AVEN: variants seen among roughly 807,000 people sequenced by gnomAD.
AVEN encodes cell death regulator Aven.
Under a neutral mutation model 38.1 loss-of-function variants are expected in AVEN, and 41 were observed. The observed-to-expected ratio is 1.08, with a 90% confidence interval of 0.84 to 1.40. The LOEUF (loss-of-function observed/expected upper bound fraction) is 1.40, where lower values mean the gene tolerates loss of function less well. AVEN is among the 40% of genes most tolerant of loss of function. The pLI is 0.00. For missense variants in AVEN, 605 were observed against 438.8 expected (o/e 1.38, Z -3.38); for synonymous variants, 206 against 171.8 (o/e 1.20, Z -1.56).
In AVEN at chr15:34,063,318, G is replaced by T. The variant is rs1420985408; in HGVS notation, n.1241C>A. 6.2e-7 allele frequency: 1 copy of T among 1,614,102 alleles called. No homozygotes were observed. The highest frequency in any genetic ancestry group is 1.7e-5 in the Admixed American group (1 of 60,008). On this transcript the variant is annotated non_coding_transcript_exon_variant, in exon 5 of 12. Coordinates refer to the AVEN transcript ENST00000675287. This position sits in a 1 kb window ranked among gnomAD's most constrained non-coding sequence, Gnocchi z 4.1. ...CATCACTTTTGGCACTGCCATTGCT[G>T]CCTTCTACATCCCTGTTTCTGTCAT... is the stretch of plus-strand genomic sequence containing the variant.
intron 4 of AVEN, 40 bp downstream of exon 4, chr15:33,870,895 C>G: frequency 6.7e-7 from 1 of 1,498,048 alleles, no homozygotes; most frequent in African/African-American, 1.4e-5. Context: ...TCTCCTCCTG[C>G]CCTAATCCAC....
chr15:33,864,443 AGACAATATGAAATAAGAAATTGTCT>A (rs1287573925), downstream of AVEN, among the ~76,000 whole-genome samples: 2 of 152,178 alleles, frequency 1.3e-5, no homozygotes, highest in Non-Finnish European at 2.9e-5. Context: ...AACATTACAG[AGACAATATGAAATAAGAAATTGTCT>A]GACAATAAGA....
In AVEN at chr15:33,866,709, C is replaced by T. The variant is rs1204477384; in HGVS notation, c.993G>A (p.Val331=). The change falls in exon 6 of 6, where the codon GTG becomes GTA. Residue 331 remains valine (V), a synonymous_variant. Transcript: ENST00000306730. ...QEEEVCAKPS[V]TEEKNMEPEQ... Reference sequence around the variant, plus strand: ...CAGGTTCCATGTTTTTTTCTTCAGTCACAGATGGTTTTGCACAAACTGGGG... The same window carrying T: ...CAGGTTCCATGTTTTTTTCTTCAGTTACAGATGGTTTTGCACAAACTGGGG... 1 of 1,613,778 alleles carries T rather than the reference C, an allele frequency of 6.2e-7. No homozygotes were observed. Among genetic ancestry groups the T allele is most frequent in the East Asian group, 2.2e-5 (1 of 44,868 alleles).
intron 2 of AVEN, among the ~76,000 whole-genome samples, chr15:33,881,427 C>G (rs1172946880): frequency 6.6e-6 from 1 of 152,104 alleles, no homozygotes; most frequent in Non-Finnish European, 1.5e-5. Flanking sequence ...AGGTCTCACT[C>G]TGTCACCCAG....
chr15:33,933,108 A>T (rs536726382), intron 2 of AVEN, among the ~76,000 whole-genome samples: 68 of 152,330 alleles, frequency 4.5e-4, no homozygotes, highest in African/African-American at 1.5e-3. Flanking sequence ...AACAGAATAT[A>T]CTAATCAGAG....
upstream of AVEN, among the ~76,000 whole-genome samples, chr15:34,041,790 A>T (rs932824247): frequency 3.9e-5 from 6 of 152,218 alleles, no homozygotes; most frequent in Non-Finnish European, 7.3e-5. Flanking sequence ...ACAGATAAGA[A>T]AACTGAGTTG....
At chr15:34,035,489 C>T (rs1238723058) in intron 1 of AVEN, among the ~76,000 whole-genome samples, 1 of 152,136 alleles carries the variant, frequency 6.6e-6, no homozygotes, top group Non-Finnish European at 1.5e-5. Context: ...GTCGAAAGAA[C>T]AGGCTCTGGA....
intron 1 of AVEN, among the ~76,000 whole-genome samples, chr15:34,027,043 A>T (rs1439133674): frequency 6.6e-6 from 1 of 152,192 alleles, no homozygotes; most frequent in Non-Finnish European, 1.5e-5. Context: ...ACCTCTGCAA[A>T]CCCACTCTAC....
rs78591348 is a variant in AVEN at position 33,900,044 on chromosome 15, G to A, written c.446-24049C>T. On this transcript the variant is annotated intron_variant, in intron 2 of 5. Coordinates refer to ENST00000306730, the MANE Select transcript of AVEN (RefSeq NM_020371.3). ...GGAAATTCACAGTAAGAATGCCAAG[G>A]TCACAATTATCGCATGTATTATTGT... Among the ~76,000 whole-genome samples the A allele has an allele frequency of 6.1e-3, 926 of 152,058 alleles. 3 individuals are homozygous for A. The highest frequency in any genetic ancestry group is 9.8e-3 in the Non-Finnish European group (664 of 67,986).
chr15:33,872,129 G>A (rs1402636679), intron 3 of AVEN, among the ~76,000 whole-genome samples: 1 of 152,136 alleles, frequency 6.6e-6, no homozygotes. Flanking sequence ...GGGGTGGGGT[G>A]TAAAGAGAAA....
chr15:33,865,319 A>G (rs1180896612), downstream of AVEN: 2 of 848,416 alleles, frequency 2.4e-6, no homozygotes, highest in South Asian at 1.7e-5. Context: ...CTGAAATGTG[A>G]CATTTTCTAA....
At chr15:33,970,972 T>A (rs77066216) in intron 2 of AVEN, among the ~76,000 whole-genome samples, 2,200 of 152,090 alleles carry the variant, frequency 0.014, 51 homozygotes, top group African/African-American at 0.049. Flanking sequence ...CTTTGCTCTA[T>A]AATAACCCAT....
rs547453151 is a variant in AVEN at position 33,942,016 on chromosome 15, T to C, written c.445+61016A>G. 2.6e-5 allele frequency among the ~76,000 whole-genome samples: 4 copies of C among 152,312 alleles called. No individual in the cohort carries two copies. In the South Asian group the frequency reaches 8.3e-4, roughly 32 times the overall value. Reference sequence around the variant, plus strand: ...CCTAGGAGGTTAGATAACAAAATGGTGTTTATCAAGTAAGCTTTGAATCCT... The same window carrying C: ...CCTAGGAGGTTAGATAACAAAATGGCGTTTATCAAGTAAGCTTTGAATCCT... On this transcript the variant is annotated intron_variant, in intron 2 of 5. Transcript: ENST00000306730.
At chr15:34,072,311 A>C (rs917702525) in intron 1 of AVEN, among the ~76,000 whole-genome samples, 2 of 149,758 alleles carry the variant, frequency 1.3e-5, no homozygotes, top group Non-Finnish European at 3.0e-5. Context: ...AAAACAAATA[A>C]GCAAATAAAA....
chr15:33,964,638 TA>T (rs1041066404), intron 2 of AVEN, among the ~76,000 whole-genome samples: 1 of 152,160 alleles, frequency 6.6e-6, no homozygotes, highest in Non-Finnish European at 1.5e-5. Flanking sequence ...TACTTAGTTT[TA>T]AAAAAAAATT....
At chr15:34,006,494 C>T (rs1039634799) in intron 1 of AVEN, among the ~76,000 whole-genome samples, 3 of 152,116 alleles carry the variant, frequency 2.0e-5, no homozygotes. Context: ...ACAGCTGTAA[C>T]ACATGGCAAA....
At chr15:33,983,160 A>ATGTG (rs1491327104) in intron 2 of AVEN, among the ~76,000 whole-genome samples, 8 of 64,536 alleles carry the variant, frequency 1.2e-4, no homozygotes, top group African/African-American at 6.6e-4. Context: ...GTGTGTGTGT[A>ATGTG]TGTGTGTGTG....
chr15:33,962,821 G>A (rs143125923), intron 2 of AVEN, among the ~76,000 whole-genome samples: 31 of 151,398 alleles, frequency 2.0e-4, no homozygotes, highest in African/African-American at 7.5e-4. Context: ...TTGGGAGGCT[G>A]AGGCAGGAGA....
chr15:33,886,478 T>C (rs755308843), intron 2 of AVEN, among the ~76,000 whole-genome samples: 2 of 152,182 alleles, frequency 1.3e-5, no homozygotes, highest in Non-Finnish European at 2.9e-5. Context: ...AATTTTTTTG[T>C]ATTTTTAGTA....
Sources: allele counts gnomAD v4.1 joint callset (sites outside exome capture counted in the v4.1 genomes callset), GRCh38; gene constraint gnomAD v4.1.1; non-coding constraint Gnocchi (gnomAD v3.1); transcripts MANE v1.5; gene names NCBI Gene and HGNC (gene_info 2026-07-23, HGNC 2026-07-21).